The following EPB41L2 variants were observed in gnomAD, a reference collection of about 807,000 sequenced individuals.
The protein encoded by EPB41L2 is erythrocyte membrane protein band 4.1 like 2, also known as band 4.1-like protein 2.
In EPB41L2, 43 loss-of-function variants were observed where a neutral mutation model predicts 113.0. The ratio of observed to expected loss-of-function variants is 0.38; its 90% CI spans 0.30 to 0.49. EPB41L2 has a LOEUF of 0.49. EPB41L2 is among the 20% of genes least tolerant of loss of function. The pLI is 0.95. For missense variants in EPB41L2, 1,147 were observed against 1,223.4 expected (o/e 0.94, Z 0.93); for synonymous variants, 442 against 436.7 (o/e 1.01, Z -0.15).
intron 16 of EPB41L2, 159 bp from the exon 17 acceptor site, chr6:130,865,793 C>T (rs1051348361): frequency 6.8e-5 from 45 of 657,466 alleles, no homozygotes; most frequent in Non-Finnish European, 1.0e-4. Context: ...TATTTGAAAC[C>T]GAGTAGAGGC....
In EPB41L2 at chr6:130,952,937, T is replaced by A. The variant is rs80151476; in HGVS notation, c.705+2168A>T. 8.5e-4 allele frequency among the ~76,000 whole-genome samples: 129 copies of A among 151,644 alleles called. 2 individuals carry two copies. The East Asian group carries it at 9.5e-3, about 11-fold the overall frequency. ...TTTTAAAATATTTTATGATTTTTTT[T>A]AAAAAAGAGAACAAAGATAGATTTA... On this transcript the variant is annotated intron_variant, in intron 3 of 19. Transcript: ENST00000337057.
intron 18 of EPB41L2, among the ~76,000 whole-genome samples, chr6:130,859,853 G>T (rs1396227382): frequency 6.6e-6 from 1 of 152,068 alleles, no homozygotes; most frequent in Non-Finnish European, 1.5e-5. Context: ...ACAAACTCTT[G>T]TGAGTGACCT....
intron 19 of EPB41L2, among the ~76,000 whole-genome samples, chr6:130,857,035 T>C (rs1271081772): frequency 1.3e-5 from 2 of 152,186 alleles, no homozygotes; most frequent in Non-Finnish European, 2.9e-5. Context: ...AGGTGAATAT[T>C]TGTATATATT....
intron 3 of EPB41L2, among the ~76,000 whole-genome samples, chr6:130,950,895 T>C (rs562370563): frequency 1.3e-5 from 2 of 152,170 alleles, no homozygotes; most frequent in Non-Finnish European, 2.9e-5. Flanking sequence ...ATCCTCTTAG[T>C]TGATGCAAAA....
intron 4 of EPB41L2, among the ~76,000 whole-genome samples, chr6:130,925,190 C>CTTTT (rs398048854): frequency 0.067 from 8,667 of 130,276 alleles, 674 homozygotes; most frequent in African/African-American, 0.13. Flanking sequence ...GATTTCTTTT[C>CTTTT]TTTTTTTTTT....
chr6:130,999,092 C>T (rs6905151), intron 1 of EPB41L2, among the ~76,000 whole-genome samples: 34,779 of 151,904 alleles, frequency 0.23, 4,200 homozygotes, highest in East Asian at 0.43. Context: ...TGACGAGCAC[C>T]ACCGTAGAGT....
intron 1 of EPB41L2, among the ~76,000 whole-genome samples, chr6:130,977,580 C>T (rs1404243337): frequency 6.6e-6 from 1 of 152,156 alleles, no homozygotes; most frequent in Non-Finnish European, 1.5e-5. Context: ...ATCTACAATG[C>T]TCCCCAGCTC....
chr6:130,900,957 C>T lies in EPB41L2; in HGVS notation c.1148+5G>A. ...CCATTCTCTCCAGTAAGCAAGGCAA[C>T]AGACCTGTGGGTTTTGTGCAGCTCT... is the stretch of plus-strand genomic sequence containing the variant. On this transcript the variant is annotated splice_donor_5th_base_variant and intron_variant, in intron 7 of 19. Coordinates refer to ENST00000337057, the MANE Select transcript of EPB41L2 (RefSeq NM_001431.4). 6.2e-7 allele frequency: 1 copy of T among 1,614,066 alleles called. No homozygotes were observed.
chr6:130,851,931 G>A (rs1394486422), intron 19 of EPB41L2, among the ~76,000 whole-genome samples: 1 of 152,090 alleles, frequency 6.6e-6, no homozygotes, highest in South Asian at 2.1e-4. Context: ...TCAAAACACA[G>A]GCTTCATCAG....
intron 1 of EPB41L2, among the ~76,000 whole-genome samples, chr6:130,976,630 T>C (rs1407182132): frequency 6.6e-6 from 1 of 152,116 alleles, no homozygotes; most frequent in Non-Finnish European, 1.5e-5. Flanking sequence ...GAATCTCTAA[T>C]CAAAAAGTTA....
chr6:130,843,143 C>T (rs559360517), intron 19 of EPB41L2, among the ~76,000 whole-genome samples: 18 of 152,258 alleles, frequency 1.2e-4, no homozygotes, highest in African/African-American at 4.3e-4. Flanking sequence ...GTTTCTTGCA[C>T]TTAAACACAT....
intron 1 of EPB41L2, among the ~76,000 whole-genome samples, chr6:131,040,196 G>C (rs1468921550): frequency 6.6e-6 from 1 of 152,160 alleles, no homozygotes; most frequent in Non-Finnish European, 1.5e-5. Flanking sequence ...CCAGCACTTT[G>C]GGTGGCCAAG....
intron 14 of EPB41L2, among the ~76,000 whole-genome samples, chr6:130,874,301 A>G (rs1040878356): frequency 6.6e-6 from 1 of 152,162 alleles, no homozygotes; most frequent in Non-Finnish European, 1.5e-5. Context: ...GCTTTTTTAA[A>G]AAGCTATAAA....
At chr6:130,864,519 C>T (rs1164166780) in intron 17 of EPB41L2, among the ~76,000 whole-genome samples, 1 of 152,160 alleles carries the variant, frequency 6.6e-6, no homozygotes, top group Non-Finnish European at 1.5e-5. Context: ...GCTGCGAGTG[C>T]CTGGGGCACA....
In EPB41L2 at chr6:131,023,276, G is replaced by C. The variant is rs141315390; in HGVS notation, c.-15+39879C>G. Among the ~76,000 whole-genome samples the C allele has an allele frequency of 7.9e-5, 12 of 152,230 alleles. No homozygotes were observed. In the East Asian group the frequency reaches 2.3e-3, roughly 29 times the overall value. On this transcript the variant is annotated intron_variant, in intron 1 of 19. Transcript: ENST00000337057. ...CTAAACGTTTATAAAGACTTCTTAG[G>C]ATGTCAACGGCCTAATTTATTTCCT...
At chr6:130,970,594 T>C (rs1428305668) in intron 1 of EPB41L2, 2 of 152,234 alleles carry the variant, frequency 1.3e-5, no homozygotes, top group Non-Finnish European at 2.9e-5. Flanking sequence ...ATAATTTTTA[T>C]AAAATTCTTC....
intron 1 of EPB41L2, among the ~76,000 whole-genome samples, chr6:130,984,156 T>C (rs1239767556): frequency 6.6e-6 from 1 of 152,220 alleles, no homozygotes; most frequent in African/African-American, 2.4e-5. Context: ...CTTGTGCTTT[T>C]AGAAGGTCCG....
At chr6:130,956,769 C>A (rs547862371) in intron 1 of EPB41L2, among the ~76,000 whole-genome samples, 23 of 152,288 alleles carry the variant, frequency 1.5e-4, no homozygotes, top group Non-Finnish European at 2.9e-4. Flanking sequence ...TTAAAATCAT[C>A]AAGAACTCAA....
intron 19 of EPB41L2, among the ~76,000 whole-genome samples, chr6:130,844,099 G>A (rs1451516704): frequency 1.3e-5 from 2 of 152,120 alleles, no homozygotes; most frequent in Admixed American, 6.5e-5. Flanking sequence ...GCCTTTAAGT[G>A]GTACAGCACT....
Sources: gnomAD v4.1 joint callset for allele counts (sites outside exome capture counted in the v4.1 genomes callset) on GRCh38, gnomAD v4.1.1 for gene constraint, MANE v1.5 for transcripts, NCBI Gene and HGNC (gene_info 2026-07-23, HGNC 2026-07-21) for gene names.